CD53: variants seen among roughly 807,000 people sequenced by gnomAD.
The protein encoded by CD53 is leukocyte surface antigen CD53.
A neutral mutation model predicts 27.3 loss-of-function variants in CD53; 20 were observed. The observed-to-expected ratio is 0.73, with a 90% CI of 0.52 to 1.07. The LOEUF is 1.07. CD53 is among the 50% of genes least tolerant of loss of function. The pLI, the probability that CD53 is intolerant of heterozygous loss-of-function variation, is 0.00. For missense variants in CD53, 216 were observed against 264.0 expected, an observed-to-expected ratio of 0.82 and a Z score of 1.26; for synonymous variants, 106 against 105.3, an observed-to-expected ratio of 1.01 and a Z score of -0.04.
intron 1 of CD53, among the ~76,000 whole-genome samples, chr1:110,887,665 T>C (rs1656681858): frequency 6.6e-6 from 1 of 152,206 alleles, no homozygotes; most frequent in Admixed American, 6.5e-5. Context: ...CTGTTCCCTA[T>C]TACTGAGGCT....
At chr1:110,878,391 C>T (rs1010269102) in intron 1 of CD53, among the ~76,000 whole-genome samples, 19 of 151,752 alleles carry the variant, frequency 1.3e-4, no homozygotes, top group Non-Finnish European at 1.5e-5. Flanking sequence ...CCGTAATTAC[C>T]TTGCGAATGC....
chr1:110,895,645 G>T (rs1267516252), intron 5 of CD53, among the ~76,000 whole-genome samples: 2 of 152,180 alleles, frequency 1.3e-5, no homozygotes, highest in East Asian at 1.9e-4. Flanking sequence ...TTAGAGCCTG[G>T]AGACCAGAAT....
chr1:110,881,440 C>A (rs1656350365), intron 1 of CD53, among the ~76,000 whole-genome samples: 1 of 152,136 alleles, frequency 6.6e-6, no homozygotes, highest in South Asian at 2.1e-4. Context: ...ACAGTTCATT[C>A]TTTTTAATTG....
chr1:110,887,271 AG>A (rs1656664625), intron 1 of CD53, among the ~76,000 whole-genome samples: 2 of 151,934 alleles, frequency 1.3e-5, no homozygotes, highest in African/African-American at 2.4e-5. Context: ...TCACCGTGTT[AG>A]CCAGGATCGT....
chr1:110,899,383 A>G lies in CD53; in HGVS notation c.*188A>G. 1 of 524,914 alleles carries G rather than the reference A, an allele frequency of 1.9e-6. No homozygotes were observed. The highest frequency in any genetic ancestry group is 3.4e-6 in the Non-Finnish European group (1 of 291,632). 32.5% of individuals were successfully genotyped at this position (524,914 alleles called of 1,614,324 possible). A position where few individuals can be genotyped will look rare whatever the true frequency, so the allele number is the denominator to read the frequency against. On this transcript the variant is annotated 3_prime_UTR_variant, in exon 8 of 8. Transcript: ENST00000271324. ...ACATCCCATCTCAGGCAGCAAGACA[A>G]TCTTTCACTCACTGACGGCAGCAGC...
chr1:110,884,492 T>C (rs1656488871), intron 1 of CD53, among the ~76,000 whole-genome samples: 1 of 152,150 alleles, frequency 6.6e-6, no homozygotes, highest in Non-Finnish European at 1.5e-5. Context: ...AGTTGACTGA[T>C]GCTGTTGTTC....
chr1:110,881,124 G>C (rs901378068), intron 1 of CD53, among the ~76,000 whole-genome samples: 3 of 152,200 alleles, frequency 2.0e-5, no homozygotes, highest in Middle Eastern at 3.4e-3. Context: ...GGCCTTTGAC[G>C]TAAGTGTACA....
chr1:110,896,108 C>T (rs1037377248), intron 5 of CD53, among the ~76,000 whole-genome samples: 2 of 152,288 alleles, frequency 1.3e-5, no homozygotes, highest in African/African-American at 4.8e-5. Context: ...TTTGTTCTTG[C>T]TCTTTGTGGA....
chr1:110,876,372 G>A (rs1656130960), intron 1 of CD53, among the ~76,000 whole-genome samples: 1 of 152,034 alleles, frequency 6.6e-6, no homozygotes, highest in Non-Finnish European at 1.5e-5. Context: ...TAAATTCCTA[G>A]TGCATTTTAA....
upstream of CD53, among the ~76,000 whole-genome samples, chr1:110,871,805 AAG>A (rs1655975838): frequency 1.0e-5 from 1 of 98,888 alleles, no homozygotes; most frequent in Non-Finnish European, 2.0e-5. Context: ...ATTGTTCCCC[AAG>A]AGAAACTACA....
At chr1:110,886,862 TA>T (rs1385313396) in intron 1 of CD53, among the ~76,000 whole-genome samples, 1,388 of 76,996 alleles carry the variant, frequency 0.018, 51 homozygotes, top group East Asian at 0.15. Context: ...TATATATATA[TA>T]TATATATTTT....
chr1:110,897,652 G>A, intron 6 of CD53, 157 bp from the exon 7 acceptor site: 1 of 486,776 alleles, frequency 2.1e-6, no homozygotes. Flanking sequence ...CCCACCTTAT[G>A]CCTGTTTCTT....
chr1:110,871,860 A>G (rs971889232), upstream of CD53, among the ~76,000 whole-genome samples: 1 of 150,682 alleles, frequency 6.6e-6, no homozygotes, highest in African/African-American at 2.5e-5. Context: ...ACACAGTTCC[A>G]TGCTCAGATA....
chr1:110,883,574 A>C (rs1418293126), intron 1 of CD53, among the ~76,000 whole-genome samples: 1 of 151,932 alleles, frequency 6.6e-6, no homozygotes, highest in Non-Finnish European at 1.5e-5. Flanking sequence ...TAAGGTAGAG[A>C]GTGTACCCTC....
chr1:110,899,299 A>C lies in CD53; in HGVS notation c.*104A>C, dbSNP rs975037371. On this transcript the variant is annotated 3_prime_UTR_variant, in exon 8 of 8. Transcript: ENST00000271324. ...ATCACTGCAGGATGATCCTCCTCCC[A>C]TCCTTTCCCTTTTTAGGTCCCTGTC... 1.3e-5 allele frequency: 10 copies of C among 788,092 alleles called. No homozygotes were observed. The East Asian group carries it at 2.7e-4, about 21-fold the overall frequency. 48.8% of individuals were successfully genotyped at this position (788,092 alleles called of 1,614,324 possible).
At chr1:110,886,870 T>TATATATATATATATA (rs1491267172) in intron 1 of CD53, among the ~76,000 whole-genome samples, 47 of 35,508 alleles carry the variant, frequency 1.3e-3, no homozygotes, top group African/African-American at 3.4e-3. Context: ...TATATATATA[T>TATATATATATATATA]TTTTTTTTTC....
At chr1:110,889,587 T>TAAATAAATAAAG (rs1253877968) in intron 1 of CD53, among the ~76,000 whole-genome samples, 1 of 151,460 alleles carries the variant, frequency 6.6e-6, no homozygotes, top group Admixed American at 6.6e-5. Context: ...AATAAATAAA[T>TAAATAAATAAAG]AAAGACTAAA....
In CD53 at chr1:110,899,271, A is replaced by C; in HGVS notation, c.*76A>C. On this transcript the variant is annotated 3_prime_UTR_variant, in exon 8 of 8. Transcript: ENST00000271324. ...AACCATTTATAGCATGAAGCCCTACATGATCACTGCAGGATGATCCTCCTC... is the reference window on the plus strand; with the variant it reads ...AACCATTTATAGCATGAAGCCCTACCTGATCACTGCAGGATGATCCTCCTC... 9.8e-7 allele frequency: 1 copy of C among 1,020,076 alleles called. No homozygotes were observed. The highest frequency in any genetic ancestry group is 1.5e-6 in the Non-Finnish European group (1 of 648,426). The allele number at this position is 1,020,076 out of a possible 1,614,324, so 63.2% of individuals were successfully genotyped here.
Position 110,892,540 on chromosome 1 carries a change from C to T in CD53, c.252+7C>T, listed in dbSNP as rs758847197. The T allele has an allele frequency of 1.2e-6, 2 of 1,608,944 alleles. No homozygotes were observed. Among genetic ancestry groups the T allele is most frequent in the Non-Finnish European group, 1.7e-6 (2 of 1,176,378 alleles). On this transcript the variant is annotated splice_region_variant and intron_variant, in intron 3 of 7. Coordinates refer to ENST00000271324, the MANE Select transcript of CD53 (RefSeq NM_000560.4). ...CAAGTGTCTGCTTATGTCGGTGAGT[C>T]CTTACAGCAGATGTGGTGCCCCAAG...
Sources: allele counts gnomAD v4.1 joint callset (sites outside exome capture counted in the v4.1 genomes callset), GRCh38; gene constraint gnomAD v4.1.1; transcripts MANE v1.5; gene names NCBI Gene and HGNC (gene_info 2026-07-23, HGNC 2026-07-21).